FBXL13: variants seen among roughly 807,000 people sequenced by gnomAD.
FBXL13 encodes the protein F-box and leucine-rich repeat protein 13.
FBXL13 carries 67 observed loss-of-function variants against 83.6 expected under a neutral mutation model. The ratio of observed to expected loss-of-function variants is 0.80; its 90% CI spans 0.66 to 0.98. The LOEUF is 0.98. FBXL13 is among the 50% of genes least tolerant of loss of function. The pLI, the probability that FBXL13 is intolerant of heterozygous loss-of-function variation, is 0.00. For synonymous variants in FBXL13, 272 were observed against 299.5 expected, an observed-to-expected ratio of 0.91 and a Z score of 0.95; for missense variants, 822 against 866.5, an observed-to-expected ratio of 0.95 and a Z score of 0.64.
intron 1 of FBXL13, among the ~76,000 whole-genome samples, chr7:103,069,277 G>A (rs571433622): frequency 2.5e-4 from 38 of 150,474 alleles, no homozygotes; most frequent in Admixed American, 1.6e-3. Context: ...CCTGGTTGCC[G>A]CCCCATCTGG....
intron 5 of FBXL13, among the ~76,000 whole-genome samples, 161 bp downstream of exon 6, chr7:103,027,288 C>T (rs982721308): frequency 6.6e-6 from 1 of 151,950 alleles, no homozygotes; most frequent in Non-Finnish European, 1.5e-5. Flanking sequence ...AAGAGCAAAA[C>T]TCTGTCCCAA....
intron 17 of FBXL13, among the ~76,000 whole-genome samples, chr7:102,845,454 A>C (rs1803769748): frequency 6.6e-6 from 1 of 152,182 alleles, no homozygotes; most frequent in Admixed American, 6.5e-5. Flanking sequence ...ACATACTCAC[A>C]AGAAGAGAAA....
chr7:103,009,318 A>G (rs1791334994), intron 6 of FBXL13, among the ~76,000 whole-genome samples: 1 of 152,028 alleles, frequency 6.6e-6, no homozygotes, highest in Admixed American at 6.6e-5. Flanking sequence ...CATCTGAGAA[A>G]CCACATTCAA....
Position 102,995,478 on chromosome 7 carries a change from C to CAAAAAAAAA in FBXL13, c.496-27370_496-27362dup, listed in dbSNP as rs1158263069. Among the ~76,000 whole-genome samples, 13 of 28,598 alleles carry CAAAAAAAAA rather than the reference C, an allele frequency of 4.5e-4. 1 individual carries two copies. Among genetic ancestry groups the CAAAAAAAAA allele is most frequent in the African/African-American group, 2.1e-3 (13 of 6,116 alleles). 18.8% of individuals were successfully genotyped at this position (28,598 alleles called of 152,430 possible). A position where few individuals can be genotyped will look rare whatever the true frequency, so the allele number is the denominator to read the frequency against. On this transcript the variant is annotated intron_variant, in intron 6 of 19. Transcript: ENST00000313221. ...CCTGGATGACAGCGAGACTCCATCT[C>CAAAAAAAAA]AAAAAAAAAAAAAAAAAAAAAAAAA...
intron 11 of FBXL13, among the ~76,000 whole-genome samples, chr7:102,893,133 A>C (rs1445449164): frequency 6.6e-6 from 1 of 152,172 alleles, no homozygotes; most frequent in Non-Finnish European, 1.5e-5. Context: ...CAGACTTCCA[A>C]ATCTATACCT....
intron 8 of FBXL13, among the ~76,000 whole-genome samples, chr7:102,962,306 G>A (rs1825360805): frequency 6.6e-6 from 1 of 152,140 alleles, no homozygotes; most frequent in Admixed American, 6.5e-5. Flanking sequence ...ACACTAGTTA[G>A]AATGGCAATC....
intron 2 of FBXL13, among the ~76,000 whole-genome samples, chr7:103,034,183 A>G (rs1332290031): frequency 1.3e-5 from 2 of 152,172 alleles, no homozygotes; most frequent in African/African-American, 2.4e-5. Flanking sequence ...GGCTTCACCC[A>G]GTGGATCTCG....
At chr7:102,867,668 C>CAT (rs200661242) in intron 16 of FBXL13, among the ~76,000 whole-genome samples, 1,805 of 72,514 alleles carry the variant, frequency 0.025, 71 homozygotes, top group East Asian at 0.06. Flanking sequence ...TAGACTTAGA[C>CAT]ATATATATAT....
chr7:102,881,271 C>T (rs1368765120), intron 14 of FBXL13, among the ~76,000 whole-genome samples: 2 of 151,654 alleles, frequency 1.3e-5, no homozygotes, highest in African/African-American at 2.4e-5. Context: ...CATGGTGAGA[C>T]CCTATCTCTA....
At chr7:102,959,675 G>A (rs1488293311) in intron 8 of FBXL13, among the ~76,000 whole-genome samples, 3 of 151,764 alleles carry the variant, frequency 2.0e-5, no homozygotes, top group Admixed American at 6.6e-5. Context: ...TTCATTTCCA[G>A]AAATACTTAT....
chr7:102,973,309 G>A (rs1826967484), intron 6 of FBXL13: 1 of 542,776 alleles, frequency 1.8e-6, no homozygotes, highest in Non-Finnish European at 3.4e-6. Context: ...CCAGCAGCGT[G>A]AGTCAGCAAG....
intron 18 of FBXL13, among the ~76,000 whole-genome samples, chr7:102,832,336 A>G (rs1036361577): frequency 2.6e-5 from 4 of 152,244 alleles, no homozygotes; most frequent in African/African-American, 4.8e-5. Context: ...TTTGTTTGAC[A>G]TACCATTTAC....
intron 2 of FBXL13, among the ~76,000 whole-genome samples, chr7:103,031,558 A>C (rs1406212726): frequency 2.6e-5 from 4 of 152,212 alleles, no homozygotes; most frequent in Non-Finnish European, 5.9e-5. Context: ...AGATGGCCTC[A>C]GAGTACCCTC....
chr7:103,035,345 G>A (rs889542584), intron 2 of FBXL13, among the ~76,000 whole-genome samples: 1 of 152,204 alleles, frequency 6.6e-6, no homozygotes, highest in African/African-American at 2.4e-5. Context: ...AACTTGAAGA[G>A]GAAACTGACC....
chr7:103,044,463 G>C (rs1381483260), intron 2 of FBXL13, among the ~76,000 whole-genome samples: 1 of 152,194 alleles, frequency 6.6e-6, no homozygotes, highest in Non-Finnish European at 1.5e-5. Context: ...TCATAAGACA[G>C]TGGCACTGTG....
intron 1 of FBXL13, among the ~76,000 whole-genome samples, chr7:103,062,668 C>A (rs1798036347): frequency 6.6e-6 from 1 of 151,400 alleles, no homozygotes; most frequent in Admixed American, 6.6e-5. Flanking sequence ...ATGTAAATAT[C>A]TTCATCTCTA....
intron 18 of FBXL13, among the ~76,000 whole-genome samples, chr7:102,827,500 G>A (rs1799935585): frequency 6.6e-6 from 1 of 152,008 alleles, no homozygotes; most frequent in Non-Finnish European, 1.5e-5. Flanking sequence ...CTCATCCTTT[G>A]TAATATATGG....
chr7:102,855,825 T>C (rs780922632), intron 16 of FBXL13, among the ~76,000 whole-genome samples: 4 of 152,094 alleles, frequency 2.6e-5, no homozygotes, highest in Non-Finnish European at 4.4e-5. Flanking sequence ...GCAAATATTA[T>C]ATCTTGTTTT....
exon 1 of FBXL13, chr7:103,074,530 G>A (rs886662025): frequency 8.3e-7 from 1 of 1,204,196 alleles, no homozygotes; most frequent in Admixed American, 2.6e-5. Context: ...AGCCCTGATC[G>A]CCTACAAGTC....
Sources: gnomAD v4.1 joint callset for allele counts (sites outside exome capture counted in the v4.1 genomes callset) on GRCh38, gnomAD v4.1.1 for gene constraint, MANE v1.5 for transcripts, NCBI Gene and HGNC (gene_info 2026-07-23, HGNC 2026-07-21) for gene names.